The following OAS3 variants were observed in gnomAD, a reference collection of about 807,000 sequenced individuals.
The protein encoded by OAS3 is 2'-5'-oligoadenylate synthetase 3, also known as 2'-5'-oligoadenylate synthase 3.
A neutral mutation model predicts 113.0 loss-of-function variants in OAS3; 107 were observed. That is an observed-to-expected ratio of 0.95 (90% confidence interval 0.81 to 1.11). The LOEUF (loss-of-function observed/expected upper bound fraction) is 1.11. OAS3 is among the 50% of genes most tolerant of loss of function. OAS3 has a pLI of 0.00. For missense variants in OAS3, 1,258 were observed against 1,389.1 expected (o/e 0.91, Z 1.50); for synonymous variants, 552 against 573.6 (o/e 0.96, Z 0.54).
Position 112,964,249 on chromosome 12 carries a change from C to A in OAS3, c.2244C>A (p.Tyr748Ter). The change falls in exon 11 of 16, where the codon TAC (tyrosine) becomes TAA (stop). Residue 748 changes from tyrosine to a stop codon, truncating the protein, a stop_gained. Coordinates refer to ENST00000228928, the MANE Select transcript of OAS3 (RefSeq NM_006187.4). LOFTEE classifies it high-confidence loss of function. ...QPWDVMPALL[Y>*]QTPAGDLDKF... Reference sequence around the variant, plus strand: ...TCTCTCTGCAGCCAGCCCTCCTTTACCAAACCCCAGCTGGGGACCTTGACA... The same window carrying A: ...TCTCTCTGCAGCCAGCCCTCCTTTAACAAACCCCAGCTGGGGACCTTGACA... 3.8e-6 allele frequency: 6 copies of A among 1,592,806 alleles called. No homozygotes were observed. Among genetic ancestry groups the A allele is most frequent in the Non-Finnish European group, 4.3e-6 (5 of 1,169,202 alleles).
At position 112,946,863 on chromosome 12, in the gene OAS3, C is replaced by A. The variant is rs146812577; in HGVS notation, c.757C>A (p.Arg253=). 6.2e-7 allele frequency: 1 copy of A among 1,613,984 alleles called. No individual in the cohort carries two copies. Among genetic ancestry groups the A allele is most frequent in the Admixed American group, 1.7e-5 (1 of 60,028 alleles). Residue 253 remains arginine, a synonymous_variant, in exon 4 of 16, where the codon CGA becomes AGA. Transcript: ENST00000228928. The stretch of plus-strand genomic sequence containing the variant: ...TGCTTTCAGCCTAGCCGAAGGCCTC[C>A]GAACTGTCCTGGGCCTGATCCAACA... ...KDAFSLAEGL[R]TVLGLIQQHQ...
chr12:112,968,323 C>G (rs1389979367), intron 14 of OAS3, 149 bp downstream of exon 14: 7 of 1,146,010 alleles, frequency 6.1e-6, no homozygotes, highest in Non-Finnish European at 8.3e-6. Flanking sequence ...GAGGGACAAA[C>G]GGTCAATTTT....
chr12:112,965,602 C>A (rs2043925701), intron 11 of OAS3, 142 bp from the exon 12 acceptor site: 1 of 751,314 alleles, frequency 1.3e-6, no homozygotes, highest in Non-Finnish European at 2.1e-6. Flanking sequence ...TAAATACAGT[C>A]TTTCTTACCA....
chr12:112,970,368 T>G lies in OAS3; in HGVS notation c.*395T>G. ...TTTCCTCCTGCTGCAATCCATCCCT[T>G]CCTCCCATTGGCCTCTCCTTGCCAA... On this transcript the variant is annotated 3_prime_UTR_variant, in exon 16 of 16. Coordinates refer to ENST00000228928, the MANE Select transcript of OAS3 (RefSeq NM_006187.4). 3.7e-6 allele frequency: 1 copy of G among 270,584 alleles called. No homozygotes were observed. The highest frequency in any genetic ancestry group is 7.1e-6 in the Non-Finnish European group (1 of 141,058). 16.8% of individuals were successfully genotyped at this position (270,584 alleles called of 1,614,324 possible). A position where few individuals can be genotyped will look rare whatever the true frequency, so the allele number is the denominator to read the frequency against.
intron 14 of OAS3, among the ~76,000 whole-genome samples, chr12:112,968,601 G>A (rs991022416): frequency 2.6e-5 from 4 of 152,096 alleles, no homozygotes; most frequent in East Asian, 1.9e-4. Flanking sequence ...GCAACCCTCC[G>A]CCTCCCGGGT....
intron 7 of OAS3, 104 bp downstream of exon 7, chr12:112,951,079 C>A: frequency 8.1e-7 from 1 of 1,231,358 alleles, no homozygotes; most frequent in Non-Finnish European, 1.1e-6. Flanking sequence ...TCCTACTTGA[C>A]CAAGCATTGA....
chr12:112,967,822 C>T, intron 13 of OAS3, 114 bp from the exon 14 acceptor site: 2 of 1,255,622 alleles, frequency 1.6e-6, no homozygotes, highest in Non-Finnish European at 2.2e-6. Context: ...AGGCATCTGG[C>T]ACATGTAGGT....
Position 112,950,916 on chromosome 12 carries a change from T to A in OAS3, c.1598T>A (p.Val533Glu). The A allele has an allele frequency of 1.2e-6, 2 of 1,613,968 alleles. No individual in the cohort carries two copies. Among genetic ancestry groups the A allele is most frequent in the Non-Finnish European group, 1.7e-6 (2 of 1,179,894 alleles). The change falls in exon 7 of 16, where the codon GTG becomes GAG. Residue 533 changes from valine to glutamate, a missense_variant. Val to Glu is a moderately radical substitution (Grantham distance 121). Coordinates refer to ENST00000228928, the MANE Select transcript of OAS3 (RefSeq NM_006187.4). Reference sequence around the variant, plus strand: ...CCTGAGGCTCTGCAGTTCCAGCTGGTGTCCACAGCCCTGAAGAGCTGGACG... The same window carrying A: ...CCTGAGGCTCTGCAGTTCCAGCTGGAGTCCACAGCCCTGAAGAGCTGGACG... ...NVPEALQFQLVSTALKSWTDV... is the reference protein window; with the variant it reads ...NVPEALQFQLESTALKSWTDV...
intron 1 of OAS3, 97 bp from the exon 2 acceptor site, chr12:112,941,473 T>A: frequency 2.2e-6 from 3 of 1,359,964 alleles, no homozygotes; most frequent in Non-Finnish European, 3.1e-6. Flanking sequence ...GGCCACAGTC[T>A]CTCCCCAGCA....
Position 112,970,298 on chromosome 12 carries a change from C to T in OAS3, c.*325C>T. 1 of 422,510 alleles carries T rather than the reference C, an allele frequency of 2.4e-6. No individual in the cohort carries two copies. The highest frequency in any genetic ancestry group is 3.8e-5 in the Admixed American group (1 of 26,250). 26.2% of individuals were successfully genotyped at this position (422,510 alleles called of 1,614,324 possible). A position where few individuals can be genotyped will look rare whatever the true frequency, so the allele number is the denominator to read the frequency against. ...TGCTTCCCACCCAGCTGAGAATGCC[C>T]CCTCCTCCCTGACTCCTCTCTGCCC... On this transcript the variant is annotated 3_prime_UTR_variant, in exon 16 of 16. Coordinates refer to ENST00000228928, the MANE Select transcript of OAS3 (RefSeq NM_006187.4).
chr12:112,949,988 C>T (rs746911979), intron 6 of OAS3, among the ~76,000 whole-genome samples: 5 of 152,168 alleles, frequency 3.3e-5, no homozygotes, highest in Non-Finnish European at 5.9e-5. Flanking sequence ...CACTGCACTC[C>T]AGCCTGGGCG....
intron 14 of OAS3, among the ~76,000 whole-genome samples, chr12:112,968,529 GTTGT>G (rs777594166): frequency 9.9e-5 from 15 of 152,146 alleles, no homozygotes; most frequent in Middle Eastern, 6.8e-3. Context: ...TGTTGTTGTT[GTTGT>G]TTGTTTGTTT....
intron 7 of OAS3, among the ~76,000 whole-genome samples, chr12:112,952,227 T>A (rs2043799473): frequency 6.6e-6 from 1 of 152,242 alleles, no homozygotes; most frequent in South Asian, 2.1e-4. Context: ...TATAAGTGCA[T>A]AATATTATAT....
At chr12:112,947,205 G>A (rs747317139) in intron 4 of OAS3, among the ~76,000 whole-genome samples, 16 of 152,114 alleles carry the variant, frequency 1.1e-4, no homozygotes, top group East Asian at 1.9e-4. Flanking sequence ...AGTTTTATGC[G>A]TGAATGTTTT....
At chr12:112,940,240 C>T (rs1020664106) in intron 1 of OAS3, among the ~76,000 whole-genome samples, 1 of 152,184 alleles carries the variant, frequency 6.6e-6, no homozygotes, top group African/African-American at 2.4e-5. Context: ...TTCCCTGTTC[C>T]CACTTTGTCA....
At position 112,970,691 on chromosome 12, in the gene OAS3, C is replaced by T. The variant is rs1201041704; in HGVS notation, c.*718C>T. The T allele has an allele frequency of 6.6e-6, 1 of 152,434 alleles. No individual in the cohort carries two copies. The highest frequency in any genetic ancestry group is 1.5e-5 in the Non-Finnish European group (1 of 68,242). The allele number at this position is 152,434 out of a possible 1,614,324, so 9.4% of individuals were successfully genotyped here. A position where few individuals can be genotyped will look rare whatever the true frequency, so the allele number is the denominator to read the frequency against. On this transcript the variant is annotated 3_prime_UTR_variant, in exon 16 of 16. Coordinates refer to ENST00000228928, the MANE Select transcript of OAS3 (RefSeq NM_006187.4). ...AGAGCCCTCTGAGCTCGGTTGCTAG[C>T]AGGAGAGCATGCCCATATTGGCTTA...
chr12:112,959,692 G>C (rs2043865388), intron 7 of OAS3, among the ~76,000 whole-genome samples: 1 of 151,830 alleles, frequency 6.6e-6, no homozygotes, highest in South Asian at 2.1e-4. Context: ...CTCTCTCATT[G>C]TTCCCATCTC....
chr12:112,952,120 T>C (rs1005214511), intron 7 of OAS3, among the ~76,000 whole-genome samples: 1 of 152,214 alleles, frequency 6.6e-6, no homozygotes, highest in African/African-American at 2.4e-5. Flanking sequence ...GAGTAAAATA[T>C]CTTAAAATCT....
chr12:112,968,034 GTTCAA>G lies in OAS3; in HGVS notation c.2965_2969del (p.Phe989HisfsTer3), dbSNP rs760103326. The G allele has an allele frequency of 4.0e-5, 64 of 1,613,922 alleles. No individual in the cohort carries two copies. Among genetic ancestry groups the G allele is most frequent in the Non-Finnish European group, 5.4e-5 (64 of 1,179,906 alleles). ...GGGAGCAGGGCGGGAAGGACTCCCA[GTTCAA>G]CATGGCTGAGGGCTTCCGCACGGTC... is the stretch of plus-strand genomic sequence containing the variant. On this transcript the variant is annotated frameshift_variant, in exon 14 of 16. Transcript: ENST00000228928. LOFTEE classifies it high-confidence loss of function.
Sources: gnomAD v4.1 joint callset for allele counts (sites outside exome capture counted in the v4.1 genomes callset) on GRCh38, gnomAD v4.1.1 for gene constraint, MANE v1.5 for transcripts, NCBI Gene and HGNC (gene_info 2026-07-23, HGNC 2026-07-21) for gene names.